The following DET1 variants were observed in gnomAD, a reference collection of about 807,000 sequenced individuals.
DET1 encodes the protein DET1 homolog.
A neutral mutation model predicts 43.7 loss-of-function variants in DET1; 22 were observed. That is an observed-to-expected ratio of 0.50 (90% CI 0.36 to 0.72). The LOEUF (loss-of-function observed/expected upper bound fraction) is 0.72, where lower values mean the gene tolerates loss of function less well. Ranked by LOEUF, DET1 falls within the 30% of genes least tolerant of loss-of-function variation. The probability of loss-of-function intolerance (pLI) is 0.00; values close to 1 mark genes in which losing one functional copy is unlikely to be tolerated. For synonymous variants in DET1, 315 were observed against 266.2 expected, an observed-to-expected ratio of 1.18 and a Z score of -1.79; for missense variants, 713 against 713.3, an observed-to-expected ratio of 1.00 and a Z score of 0.00.
chr15:88,525,561 G>A (rs1310664573), intron 3 of DET1, among the ~76,000 whole-genome samples: 1 of 152,172 alleles, frequency 6.6e-6, no homozygotes, highest in Non-Finnish European at 1.5e-5. Flanking sequence ...TTGGTGTTGT[G>A]GATATGGCAG....
In DET1 at chr15:88,515,565, A is replaced by AAAAAAAAAAAAAAC. The variant is rs2056323120; in HGVS notation, c.1463+1216_1463+1217insGTTTTTTTTTTTTT. 2.7e-5 allele frequency among the ~76,000 whole-genome samples: 4 copies of AAAAAAAAAAAAAAC among 149,610 alleles called. 1 individual carries two copies. Among genetic ancestry groups the AAAAAAAAAAAAAAC allele is most frequent in the Non-Finnish European group, 4.4e-5 (3 of 67,576 alleles). On this transcript the variant is annotated intron_variant, in intron 4 of 4. Transcript: ENST00000268148. ...TAAAAAAAAAAAAAAAAAAAAAAAA[A>AAAAAAAAAAAAAAC]AAAGACCGAAGGGACCAAATGCAAT...
chr15:88,530,791 G>A lies in DET1; in HGVS notation c.915C>T (p.Arg305=), dbSNP rs746882848. Residue 305 remains arginine (R), a synonymous_variant, in exon 2 of 5, where the codon CGC becomes CGT. Transcript: ENST00000268148. ...TTGCACTACCATCCTGTTCTGCCCGGCGCCACAAATATACCAGCAACCGGT... is the reference window on the plus strand; with the variant it reads ...TTGCACTACCATCCTGTTCTGCCCGACGCCACAAATATACCAGCAACCGGT... The part of the protein sequence containing the change: ...LKHRLLVYLW[R]RAEQDGSAMA... 1.1e-5 allele frequency: 17 copies of A among 1,613,828 alleles called. No individual in the cohort carries two copies. Among genetic ancestry groups the A allele is most frequent in the Non-Finnish European group, 1.4e-5 (17 of 1,179,852 alleles).
intron 1 of DET1, among the ~76,000 whole-genome samples, chr15:88,540,012 T>G (rs944708101): frequency 3.9e-5 from 6 of 152,198 alleles, no homozygotes; most frequent in Non-Finnish European, 7.3e-5. Flanking sequence ...CCCCTGTGGC[T>G]ACTCTCTCAT....
rs577234687 is a variant in DET1, at chr15:88,520,850, C to T, written c.1272-3877G>A. ...TCAGTTGACAGTAAAGAACTTAAAT[C>T]CTAGTGGCAGGAAACAGAATGCCAT... is the stretch of plus-strand genomic sequence containing the variant. On this transcript the variant is annotated intron_variant, in intron 3 of 4. Transcript: ENST00000268148. 5.9e-5 allele frequency among the ~76,000 whole-genome samples: 9 copies of T among 152,312 alleles called. No homozygotes were observed. The South Asian group carries it at 1.9e-3, about 32-fold the overall frequency.
At chr15:88,524,486 C>A (rs1253238446) in intron 3 of DET1, among the ~76,000 whole-genome samples, 1 of 152,212 alleles carries the variant, frequency 6.6e-6, no homozygotes, top group African/African-American at 2.4e-5. Context: ...GAGAATGGGC[C>A]ATGATGACGA....
chr15:88,542,673 G>T (rs1033352943), intron 1 of DET1, among the ~76,000 whole-genome samples: 2 of 152,140 alleles, frequency 1.3e-5, no homozygotes, highest in African/African-American at 4.8e-5. Flanking sequence ...AACACAGGCA[G>T]CTGAAAAGGC....
intron 2 of DET1, among the ~76,000 whole-genome samples, chr15:88,529,110 A>G (rs1015164618): frequency 1.3e-5 from 2 of 152,220 alleles, no homozygotes; most frequent in Admixed American, 6.5e-5. Context: ...ACCTACCAGA[A>G]AAAACTAGGC....
At chr15:88,517,615 A>G (rs1490036408) in intron 3 of DET1, among the ~76,000 whole-genome samples, 1 of 152,266 alleles carries the variant, frequency 6.6e-6, no homozygotes, top group Non-Finnish European at 1.5e-5. Flanking sequence ...TTTTCTAATA[A>G]CAGCTCAACT....
Position 88,515,759 on chromosome 15 carries a change from AT to A in DET1, c.1463+1022del, listed in dbSNP as rs58058050. 9.5e-3 allele frequency among the ~76,000 whole-genome samples: 1,441 copies of A among 152,070 alleles called. 25 individuals are homozygous for A. The highest frequency in any genetic ancestry group is 0.032 in the African/African-American group (1,345 of 41,464). ...TACTTGTTTTGCTAGGATAGCTTGGATTTCCTTTAAAATAACCCAGGACAGT... is the reference window on the plus strand; with the variant it reads ...TACTTGTTTTGCTAGGATAGCTTGGATTCCTTTAAAATAACCCAGGACAGT... On this transcript the variant is annotated intron_variant, in intron 4 of 4. Coordinates refer to ENST00000268148, the MANE Select transcript of DET1 (RefSeq NM_001144074.3).
At chr15:88,544,647 G>A (rs1011184363) in intron 1 of DET1, among the ~76,000 whole-genome samples, 2 of 152,134 alleles carry the variant, frequency 1.3e-5, no homozygotes, top group Admixed American at 6.5e-5. Context: ...TCATCCTCAC[G>A]CCAATGGCTC....
intron 3 of DET1, among the ~76,000 whole-genome samples, chr15:88,524,467 C>T (rs1251431777): frequency 2.0e-5 from 3 of 152,266 alleles, no homozygotes; most frequent in African/African-American, 4.8e-5. Flanking sequence ...GAGTACCCAA[C>T]AGCTCATTGA....
intron 4 of DET1, among the ~76,000 whole-genome samples, chr15:88,513,928 T>C (rs1031882042): frequency 1.4e-5 from 2 of 147,436 alleles, no homozygotes; most frequent in South Asian, 4.4e-4. Context: ...GCCTCCCGAG[T>C]AGCTGGGACT....
intron 1 of DET1, among the ~76,000 whole-genome samples, chr15:88,539,274 C>T (rs564104967): frequency 1.4e-4 from 21 of 151,996 alleles, no homozygotes; most frequent in Admixed American, 7.2e-4. Context: ...TGGGCCCTCA[C>T]CTGCAGTTCT....
chr15:88,543,656 CA>C (rs1373545714), intron 1 of DET1, among the ~76,000 whole-genome samples: 1 of 152,166 alleles, frequency 6.6e-6, no homozygotes, highest in Non-Finnish European at 1.5e-5. Context: ...CAGGCTTTAC[CA>C]GCAAACACCT....
At chr15:88,522,926 C>T (rs1220554005) in intron 3 of DET1, among the ~76,000 whole-genome samples, 1 of 149,434 alleles carries the variant, frequency 6.7e-6, no homozygotes, top group Non-Finnish European at 1.5e-5. Flanking sequence ...TTGTCACCTA[C>T]TCTGGAATGC....
intron 3 of DET1, among the ~76,000 whole-genome samples, chr15:88,518,960 T>C (rs2056418390): frequency 6.6e-6 from 1 of 152,164 alleles, no homozygotes; most frequent in Non-Finnish European, 1.5e-5. Flanking sequence ...TAAAAATAAA[T>C]CTTGGGCCAA....
At chr15:88,506,570 C>G (rs976459394) in intron 7 of DET1, among the ~76,000 whole-genome samples, 3 of 76,636 alleles carry the variant, frequency 3.9e-5, no homozygotes, top group Non-Finnish European at 7.7e-5. Flanking sequence ...TGCAGAGAAC[C>G]GTTTATGCTG....
intron 3 of DET1, among the ~76,000 whole-genome samples, chr15:88,518,627 G>T (rs1190649358): frequency 6.6e-6 from 1 of 152,078 alleles, no homozygotes; most frequent in African/African-American, 2.4e-5. Context: ...AATGTCAACT[G>T]TCTATCAGTA....
intron 3 of DET1, among the ~76,000 whole-genome samples, chr15:88,521,127 C>T (rs143883353): frequency 9.5e-4 from 145 of 152,328 alleles, no homozygotes; most frequent in African/African-American, 3.4e-3. Context: ...TTTCCAAGTA[C>T]TCTGCCCCTC....
Sources: allele counts gnomAD v4.1 joint callset (sites outside exome capture counted in the v4.1 genomes callset), GRCh38; gene constraint gnomAD v4.1.1; transcripts MANE v1.5; gene names NCBI Gene and HGNC (gene_info 2026-07-23, HGNC 2026-07-21).